Variants in RANBP2 observed in about 807,000 individuals in gnomAD.
RANBP2 encodes the protein E3 SUMO-protein ligase RanBP2.
Under a neutral mutation model 303.6 loss-of-function variants are expected in RANBP2, and 57 were observed. That is an observed-to-expected ratio of 0.19 (90% CI 0.15 to 0.23). The LOEUF (loss-of-function observed/expected upper bound fraction) is 0.23, where lower values mean the gene tolerates loss of function less well. RANBP2 is among the 10% of genes least tolerant of loss of function. The probability of loss-of-function intolerance (pLI) is 1.00; values close to 1 mark genes in which losing one functional copy is unlikely to be tolerated. For synonymous variants in RANBP2, 1,167 were observed against 1,301.5 expected, an observed-to-expected ratio of 0.90 and a Z score of 2.23; for missense variants, 3,138 against 3,780.8, an observed-to-expected ratio of 0.83 and a Z score of 4.46.
chr2:109,654,065 C>T, the RANBP2 span, among the ~76,000 whole-genome samples: 1 of 152,064 alleles, frequency 6.6e-6, no homozygotes, highest in Non-Finnish European at 1.5e-5. Context: ...AGGTGAGGTC[C>T]CTGAGCAACA....
the RANBP2 span, among the ~76,000 whole-genome samples, chr2:109,069,845 G>A: frequency 6.6e-6 from 1 of 152,148 alleles, no homozygotes; most frequent in African/African-American, 2.4e-5. Flanking sequence ...GCTGGGCAGT[G>A]TTCTATGTCC....
chr2:108,764,284 A>G lies in RANBP2; in HGVS notation c.3745A>G (p.Ser1249Gly). The G allele has an allele frequency of 6.2e-7, 1 of 1,613,974 alleles. No individual in the cohort carries two copies. Among genetic ancestry groups the G allele is most frequent in the Non-Finnish European group, 8.5e-7 (1 of 1,179,992 alleles). The change falls in exon 20 of 29, where the codon AGT becomes GGT. Residue 1249 changes from serine to glycine, a missense_variant. Physicochemically the swap from Ser to Gly is moderately conservative, Grantham distance 56 (BLOSUM62 0). Around this residue, in one of 20 missense-constraint regions of RANBP2, gnomAD observed 72 missense variants for 119.5 expected, o/e 0.60. Coordinates refer to ENST00000283195, the MANE Select transcript of RANBP2 (RefSeq NM_006267.5). ...GAAAATCTGTGCAAATCATTACATC[A>G]GTCCAGATATGAAATTGACACCAAA... is the stretch of plus-strand genomic sequence containing the variant. ...VLKICANHYI[S>G]PDMKLTPNAG...
chr2:109,156,030 T>C, the RANBP2 span, among the ~76,000 whole-genome samples: 35 of 152,332 alleles, frequency 2.3e-4, 1 homozygote, highest in East Asian at 4.1e-3. Context: ...TGGGGTCATT[T>C]TGCCCCTGCC....
chr2:109,130,877 C>G, the RANBP2 span, among the ~76,000 whole-genome samples: 6 of 152,304 alleles, frequency 3.9e-5, no homozygotes, highest in South Asian at 1.2e-3. Flanking sequence ...AAGCTTCTTA[C>G]AGCTTCTTAT....
the RANBP2 span, among the ~76,000 whole-genome samples, chr2:108,854,747 A>T: frequency 6.6e-6 from 1 of 152,050 alleles, no homozygotes; most frequent in Non-Finnish European, 1.5e-5. Flanking sequence ...GCCTCTCTCC[A>T]GGGGCCTGTT....
the RANBP2 span, among the ~76,000 whole-genome samples, chr2:109,748,609 AC>A: frequency 2.5e-5 from 3 of 119,858 alleles, no homozygotes; most frequent in Non-Finnish European, 5.2e-5. Context: ...GCAGTGGCTC[AC>A]GCCTGTAATC....
At chr2:109,522,220 T>A in the RANBP2 span, among the ~76,000 whole-genome samples, 1 of 151,788 alleles carries the variant, frequency 6.6e-6, no homozygotes, top group Non-Finnish European at 1.5e-5. Flanking sequence ...TAGCTGCACA[T>A]TAGCATCTGA....
chr2:109,145,683 T>G, the RANBP2 span, among the ~76,000 whole-genome samples: 1 of 152,214 alleles, frequency 6.6e-6, no homozygotes, highest in Non-Finnish European at 1.5e-5. Flanking sequence ...ATCTTCTGGT[T>G]GTTTTACAGG....
the RANBP2 span, among the ~76,000 whole-genome samples, chr2:108,975,148 A>G: frequency 6.6e-6 from 1 of 152,306 alleles, no homozygotes; most frequent in South Asian, 2.1e-4. Flanking sequence ...CAGGGTCCAA[A>G]GGGGAGCAAA....
the RANBP2 span, chr2:109,615,310 C>T: frequency 6.8e-6 from 11 of 1,606,910 alleles, no homozygotes; most frequent in Non-Finnish European, 9.3e-6. Flanking sequence ...TGGATGCTCT[C>T]TGCCTCCGAT....
the RANBP2 span, among the ~76,000 whole-genome samples, chr2:109,447,021 T>G: frequency 6.6e-5 from 10 of 150,900 alleles, no homozygotes; most frequent in East Asian, 1.8e-3. Flanking sequence ...GTTTCCAGGG[T>G]GATTAAATGA....
the RANBP2 span, among the ~76,000 whole-genome samples, chr2:109,046,536 A>T: frequency 5.3e-5 from 8 of 150,706 alleles, no homozygotes; most frequent in African/African-American, 2.0e-4. Context: ...CCTCCCAGGT[A>T]GCTGGGATTA....
the RANBP2 span, among the ~76,000 whole-genome samples, chr2:109,172,646 A>C: frequency 4.6e-5 from 7 of 152,184 alleles, no homozygotes; most frequent in Admixed American, 4.6e-4. Flanking sequence ...CCATAGCAGG[A>C]AGCAATTGTT....
the RANBP2 span, chr2:109,615,300 T>C: frequency 6.2e-7 from 1 of 1,603,096 alleles, no homozygotes; most frequent in Non-Finnish European, 8.5e-7. Flanking sequence ...GGAGCACGCG[T>C]GGATGCTCTC....
chr2:109,244,057 G>A, the RANBP2 span, among the ~76,000 whole-genome samples: 1 of 152,278 alleles, frequency 6.6e-6, no homozygotes, highest in African/African-American at 2.4e-5. Context: ...TGTAGCGAGG[G>A]TATTTTCTCT....
At chr2:108,789,146 T>A (rs769519503), downstream of RANBP2, among the ~76,000 whole-genome samples, 4 of 152,196 alleles carry the variant, frequency 2.6e-5, no homozygotes, top group Non-Finnish European at 5.9e-5. Context: ...ACTGAGAATC[T>A]CTGTAATAAA....
the RANBP2 span, among the ~76,000 whole-genome samples, chr2:109,717,505 C>A: frequency 6.6e-6 from 1 of 151,836 alleles, no homozygotes; most frequent in Admixed American, 6.6e-5. Context: ...TCGCTTGAAC[C>A]CGGGAGGCAG....
downstream of RANBP2, chr2:108,786,693 C>CGCCCT: frequency 5.8e-6 from 5 of 867,258 alleles, no homozygotes; most frequent in East Asian, 2.8e-5. Context: ...CGCCCCGCCC[C>CGCCCT]GCCCTTTCCC....
At chr2:108,738,513 C>G (rs1365468308) in intron 6 of RANBP2, among the ~76,000 whole-genome samples, 1 of 152,140 alleles carries the variant, frequency 6.6e-6, no homozygotes, top group African/African-American at 2.4e-5. Flanking sequence ...GTCTGAGCCA[C>G]TGCACCCGGC....
Sources: gnomAD v4.1 joint callset for allele counts (sites outside exome capture counted in the v4.1 genomes callset) on GRCh38, gnomAD v4.1.1 for gene constraint, gnomAD v4.1.1 regional missense constraint, MANE v1.5 for transcripts, NCBI Gene and HGNC (gene_info 2026-07-23, HGNC 2026-07-21) for gene names.